The following RAB8B variants were observed in gnomAD, a reference collection of about 807,000 sequenced individuals.
RAB8B encodes the protein RAB8B, member RAS oncogene family, also known as ras-related protein Rab-8B.
Under a neutral mutation model 32.0 loss-of-function variants are expected in RAB8B, and 11 were observed. That is an observed-to-expected ratio of 0.34 (90% CI 0.22 to 0.57). RAB8B has a LOEUF of 0.57. RAB8B is among the 20% of genes least tolerant of loss of function. RAB8B has a pLI of 0.86. For synonymous variants in RAB8B, 103 were observed against 89.6 expected (o/e 1.15, Z -0.85); for missense variants, 190 against 258.5 (o/e 0.73, Z 1.82).
At chr15:63,247,184 C>A (rs560054387) in intron 2 of RAB8B, among the ~76,000 whole-genome samples, 2 of 152,318 alleles carry the variant, frequency 1.3e-5, no homozygotes, top group African/African-American at 4.8e-5. Context: ...GAGAGATCAT[C>A]TCTATGGTGT....
intron 1 of RAB8B, among the ~76,000 whole-genome samples, chr15:63,244,145 C>G (rs571218830): frequency 6.6e-6 from 1 of 152,276 alleles, no homozygotes; most frequent in East Asian, 1.9e-4. Flanking sequence ...ATCATAGTAC[C>G]AGGCAATTCT....
At chr15:63,219,557 A>G (rs1449685466) in intron 1 of RAB8B, among the ~76,000 whole-genome samples, 1 of 152,150 alleles carries the variant, frequency 6.6e-6, no homozygotes. Flanking sequence ...AGTAAGGGTC[A>G]AGTGCTATTT....
chr15:63,206,158 C>T (rs185363123), intron 1 of RAB8B, among the ~76,000 whole-genome samples: 54 of 152,274 alleles, frequency 3.5e-4, no homozygotes, highest in Admixed American at 2.9e-3. Flanking sequence ...TAATTATCAC[C>T]TATTATTGCC....
At chr15:63,207,561 T>G (rs1198107693) in intron 1 of RAB8B, among the ~76,000 whole-genome samples, 1 of 151,596 alleles carries the variant, frequency 6.6e-6, no homozygotes, top group Non-Finnish European at 1.5e-5. Context: ...TAGTTTTTTG[T>G]TTTTTTGTTT....
intron 1 of RAB8B, among the ~76,000 whole-genome samples, chr15:63,193,889 A>G (rs1039513711): frequency 2.0e-5 from 3 of 152,236 alleles, no homozygotes; most frequent in Non-Finnish European, 1.5e-5. Flanking sequence ...ACTAGGAATG[A>G]TGATACAGTT....
intron 1 of RAB8B, among the ~76,000 whole-genome samples, chr15:63,202,439 T>C (rs535018986): frequency 6.6e-6 from 1 of 152,306 alleles, no homozygotes; most frequent in South Asian, 2.1e-4. Context: ...GTCAGTGGAC[T>C]TGTGGTTTGG....
At chr15:63,225,089 C>T (rs765372575) in intron 1 of RAB8B, among the ~76,000 whole-genome samples, 46 of 152,162 alleles carry the variant, frequency 3.0e-4, no homozygotes, top group Non-Finnish European at 5.4e-4. Context: ...AATATAATAT[C>T]GTCTTTAACG....
chr15:63,216,631 G>A (rs2037794761), intron 1 of RAB8B, among the ~76,000 whole-genome samples: 1 of 151,816 alleles, frequency 6.6e-6, no homozygotes, highest in African/African-American at 2.4e-5. Flanking sequence ...GGGAGGCCAA[G>A]GCGGGCAGAT....
chr15:63,211,258 G>A (rs1567010740), intron 1 of RAB8B, among the ~76,000 whole-genome samples: 1 of 152,200 alleles, frequency 6.6e-6, no homozygotes, highest in African/African-American at 2.4e-5. Context: ...TAGATCGGAA[G>A]TATAGAAATT....
chr15:63,229,973 T>C (rs1441934594), intron 1 of RAB8B, among the ~76,000 whole-genome samples: 17 of 152,054 alleles, frequency 1.1e-4, no homozygotes, highest in Non-Finnish European at 5.9e-5. Context: ...TCATAGAGGA[T>C]TGTGCTTACA....
chr15:63,203,955 T>A (rs1394923122), intron 1 of RAB8B, among the ~76,000 whole-genome samples: 1 of 152,188 alleles, frequency 6.6e-6, no homozygotes, highest in African/African-American at 2.4e-5. Flanking sequence ...ATGAGGTTTT[T>A]AACCTGCGTG....
At position 63,252,949 on chromosome 15, in the gene RAB8B, T is replaced by C. The variant is rs557413157; in HGVS notation, c.247-2558T>C. Among the ~76,000 whole-genome samples, 5 of 152,346 alleles carry C rather than the reference T, an allele frequency of 3.3e-5. No individual in the cohort carries two copies. The South Asian group carries it at 1.0e-3, about 32-fold the overall frequency. Reference sequence around the variant, plus strand: ...TTTTAATAGAGATGGGGTTTCCCCATGTTGGCCGGGCTGGTCTCAAACTCC... The same window carrying C: ...TTTTAATAGAGATGGGGTTTCCCCACGTTGGCCGGGCTGGTCTCAAACTCC... On this transcript the variant is annotated intron_variant, in intron 3 of 7. Transcript: ENST00000321437.
At chr15:63,235,102 A>G (rs1316017573) in intron 1 of RAB8B, among the ~76,000 whole-genome samples, 2 of 151,820 alleles carry the variant, frequency 1.3e-5, no homozygotes, top group Non-Finnish European at 2.9e-5. Context: ...GAAGGCATGC[A>G]TTCATTAATG....
At chr15:63,225,338 T>A (rs1309649569) in intron 1 of RAB8B, among the ~76,000 whole-genome samples, 2 of 152,206 alleles carry the variant, frequency 1.3e-5, no homozygotes, top group East Asian at 3.8e-4. Flanking sequence ...TTTACTGGAG[T>A]GCTAGGAGAG....
In RAB8B at chr15:63,249,699, A is replaced by T; in HGVS notation, c.240A>T (p.Gly80=). 3 of 1,613,584 alleles carry T rather than the reference A, an allele frequency of 1.9e-6. No homozygotes were observed. The highest frequency in any genetic ancestry group is 2.5e-6 in the Non-Finnish European group (3 of 1,179,702). The change falls in exon 3 of 8, where the codon GGA becomes GGT. Residue 80 remains glycine, a synonymous_variant. Coordinates refer to ENST00000321437, the MANE Select transcript of RAB8B (RefSeq NM_016530.3). ...CAATCACGACAGCGTACTACAGAGG[A>T]GCCATGGTGAGTGTGTTGTAGGGTT... ...FRTITTAYYR[G]AMGIMLVYDI...
intron 1 of RAB8B, among the ~76,000 whole-genome samples, chr15:63,218,121 C>T (rs2037809855): frequency 6.6e-6 from 1 of 151,794 alleles, no homozygotes; most frequent in African/African-American, 2.4e-5. Flanking sequence ...ATGCTTCTAC[C>T]CTTATGTTGG....
chr15:63,239,749 A>G (rs754460510), intron 1 of RAB8B, among the ~76,000 whole-genome samples: 7 of 152,184 alleles, frequency 4.6e-5, no homozygotes, highest in Non-Finnish European at 4.4e-5. Flanking sequence ...CCTTAGTAGT[A>G]TATAATATTT....
chr15:63,195,882 G>A (rs2037596025), intron 1 of RAB8B, among the ~76,000 whole-genome samples: 3 of 152,238 alleles, frequency 2.0e-5, no homozygotes, highest in Admixed American at 6.5e-5. Context: ...CCACGGAAAT[G>A]TAAAAAGGGA....
At chr15:63,261,359 TA>T (rs1278459718) in intron 6 of RAB8B, among the ~76,000 whole-genome samples, 1 of 151,886 alleles carries the variant, frequency 6.6e-6, no homozygotes, top group Non-Finnish European at 1.5e-5. Context: ...TGGAGAACAA[TA>T]AAAAAACTAA....
Sources: gnomAD v4.1 joint callset for allele counts (sites outside exome capture counted in the v4.1 genomes callset) on GRCh38, gnomAD v4.1.1 for gene constraint, MANE v1.5 for transcripts, NCBI Gene and HGNC (gene_info 2026-07-23, HGNC 2026-07-21) for gene names.